The following ZNF816 variants were observed in gnomAD, a reference collection of about 807,000 sequenced individuals.
ZNF816 encodes zinc finger protein 816A.
A neutral mutation model predicts 8.3 loss-of-function variants in ZNF816; 11 were observed. The observed-to-expected ratio is 1.32, with a 90% CI of 0.83 to 2.19. The LOEUF (loss-of-function observed/expected upper bound fraction) is 2.19, where lower values mean the gene tolerates loss of function less well. Among genes scored for constraint, ZNF816 ranks in the 30% most tolerant of loss-of-function variants. ZNF816 has a pLI of 0.00. For synonymous variants in ZNF816, 255 were observed against 254.5 expected (o/e 1.00, Z -0.02); for missense variants, 710 against 779.3 (o/e 0.91, Z 1.06).
At chr19:52,961,226 A>G (rs913756542) in intron 1 of ZNF816, among the ~76,000 whole-genome samples, 6 of 152,190 alleles carry the variant, frequency 3.9e-5, no homozygotes, top group African/African-American at 1.4e-4. Flanking sequence ...TTCAAATAAG[A>G]TTAAGAACTG....
At chr19:52,956,404 C>T in intron 1 of ZNF816, 1 of 250,666 alleles carries the variant, frequency 4.0e-6, no homozygotes, top group East Asian at 8.3e-5. Flanking sequence ...GCCCCCTCAC[C>T]TCCCTGTGGA....
rs572629673 is a variant in ZNF816 at position 52,951,276 on chromosome 19, G to A, written c.499C>T (p.Leu167Phe). ...TTCCCTTTAGTCTGAAACATGTGGA[G>A]TTCAGGCAGATGCGAATGAAAGCTT... ...GLSFHSHLPE[L>F]HMFQTKGKIS... The change falls in exon 4 of 4, where the codon CTC (leucine) becomes TTC (phenylalanine). Residue 167 changes from leucine (L) to phenylalanine (F), a missense_variant. Physicochemically the swap from Leu to Phe is conservative, Grantham distance 22. Transcript: ENST00000444460. 1.9e-5 allele frequency: 31 copies of A among 1,614,178 alleles called. No homozygotes were observed. The highest frequency in any genetic ancestry group is 1.1e-4 in the African/African-American group (8 of 75,050).
chr19:52,956,334 A>T (rs928878540), intron 1 of ZNF816: 2 of 448,652 alleles, frequency 4.5e-6, no homozygotes, highest in Admixed American at 7.5e-5. Context: ...CACACGCTGC[A>T]GCAGGACACA....
At position 52,952,911 on chromosome 19, in the gene ZNF816, T is replaced by C. The variant is rs73584424; in HGVS notation, c.64-34A>G. On this transcript the variant is annotated intron_variant, in intron 2 of 3. Coordinates refer to ENST00000444460, the MANE Select transcript of ZNF816 (RefSeq NM_001202457.3). The stretch of plus-strand genomic sequence containing the variant: ...AAAAACACGTTTCAACAAAACATTA[T>C]GGAGGAGTGAGTTATTGCCCTCACG... 8,101 of 1,578,872 alleles carry C rather than the reference T, an allele frequency of 5.1e-3. 348 individuals carry two copies. In the African/African-American group the frequency reaches 0.095, roughly 18 times the overall value.
chr19:52,955,186 A>AT (rs367946579), intron 2 of ZNF816, among the ~76,000 whole-genome samples: 2 of 151,824 alleles, frequency 1.3e-5, no homozygotes, highest in Non-Finnish European at 2.9e-5. Flanking sequence ...TGTAAAAAAA[A>AT]CAAAACAAAA....
chr19:52,952,899 A>C, intron 2 of ZNF816, 22 bp from the exon 3 acceptor site: 2 of 1,585,332 alleles, frequency 1.3e-6, no homozygotes, highest in Non-Finnish European at 1.7e-6. Context: ...AACACGTTTC[A>C]ACAAAACATT....
At chr19:52,961,588 A>C (rs2083557442) in intron 1 of ZNF816, among the ~76,000 whole-genome samples, 1 of 152,220 alleles carries the variant, frequency 6.6e-6, no homozygotes, top group Non-Finnish European at 1.5e-5. Context: ...CCCGTTAGAG[A>C]AAAAGAGAAG....
chr19:52,960,197 A>G, intron 1 of ZNF816: 1 of 242,976 alleles, frequency 4.1e-6, no homozygotes, highest in Non-Finnish European at 8.0e-6. Context: ...GCACAATGCG[A>G]GGCAGGGTTC....
At chr19:52,952,283 T>C (rs1016576540) in intron 3 of ZNF816, among the ~76,000 whole-genome samples, 3 of 152,014 alleles carry the variant, frequency 2.0e-5, no homozygotes, top group East Asian at 1.9e-4. Context: ...AGTACAAGAA[T>C]TGCTTGAACT....
At position 52,950,804 on chromosome 19, in the gene ZNF816, T is replaced by C. The variant is rs762332648; in HGVS notation, c.971A>G (p.Glu324Gly). 52 of 1,608,818 alleles carry C rather than the reference T, an allele frequency of 3.2e-5. No individual in the cohort carries two copies. The highest frequency in any genetic ancestry group is 6.7e-5 in the Admixed American group (4 of 59,698). Reference protein sequence around the residue: ...KCNECGKTFSEKSSLRCHRRL... With the variant: ...KCNECGKTFSGKSSLRCHRRL... Reference sequence around the variant, plus strand: ...ACGATGGCATCTAAGGGATGACTTCTCACTGAAGGTCTTGCCACACTCATT... The same window carrying C: ...ACGATGGCATCTAAGGGATGACTTCCCACTGAAGGTCTTGCCACACTCATT... Residue 324 changes from glutamate (E) to glycine (G), a missense_variant, in exon 4 of 4, where the codon GAG becomes GGG. Physicochemically the swap from Glu to Gly is moderately conservative, Grantham distance 98. Transcript: ENST00000444460.
At chr19:52,955,528 C>G (rs1025746388) in intron 2 of ZNF816, among the ~76,000 whole-genome samples, 1 of 152,220 alleles carries the variant, frequency 6.6e-6, no homozygotes, top group Non-Finnish European at 1.5e-5. Context: ...TCTCTTAAAA[C>G]AAAAGTTTGG....
intron 1 of ZNF816, among the ~76,000 whole-genome samples, chr19:52,962,472 G>A (rs2083565440): frequency 6.6e-6 from 1 of 152,070 alleles, no homozygotes; most frequent in African/African-American, 2.4e-5. Context: ...GGCCACCCTG[G>A]GGCTGCGGGG....
At chr19:52,954,796 C>A (rs2122156181) in intron 2 of ZNF816, among the ~76,000 whole-genome samples, 1 of 131,072 alleles carries the variant, frequency 7.6e-6, no homozygotes, top group East Asian at 2.2e-4. Flanking sequence ...CGGGGAGGCC[C>A]TGTCTCAAAA....
chr19:52,956,082 C>T lies in ZNF816; in HGVS notation c.8G>A (p.Arg3His), dbSNP rs535358313. The T allele has an allele frequency of 6.8e-6, 11 of 1,610,044 alleles. No homozygotes were observed. The highest frequency in any genetic ancestry group is 1.7e-4 in the Middle Eastern group (1 of 6,028). ...TTTGCTCTTCTTGGTGGCTTCCTCACGTAACATGAGTCTTTGGAAATCCTG... is the reference window on the plus strand; with the variant it reads ...TTTGCTCTTCTTGGTGGCTTCCTCATGTAACATGAGTCTTTGGAAATCCTG... Reference protein sequence around the residue: MLREEATKKSKEK... With the variant: MLHEEATKKSKEK... Residue 3 changes from arginine (R) to histidine (H), a missense_variant, in exon 2 of 4, where the codon CGT (arginine) becomes CAT (histidine). Transcript: ENST00000444460.
At chr19:52,955,794 T>G (rs945917193) in intron 2 of ZNF816, among the ~76,000 whole-genome samples, 8 of 152,318 alleles carry the variant, frequency 5.3e-5, no homozygotes, top group African/African-American at 1.9e-4. Flanking sequence ...CATCCATGTC[T>G]GGTGTGAGCC....
rs764166678 is a variant in ZNF816 at position 52,957,076 on chromosome 19, G to T, written c.-15-972C>A. ...CTTAGAGCTGTAAGCCCTTAAAAGG[G>T]CCAGGAATTTCTTTTTCAGGGAGCT... On this transcript the variant is annotated intron_variant, in intron 1 of 3. Coordinates refer to ENST00000444460, the MANE Select transcript of ZNF816 (RefSeq NM_001202457.3). The surrounding 1 kb of genome is among the most constrained non-coding windows in gnomAD (Gnocchi z 4.6). Among the ~76,000 whole-genome samples, 16 of 152,154 alleles carry T rather than the reference G, an allele frequency of 1.1e-4. No individual in the cohort carries two copies. Among genetic ancestry groups the T allele is most frequent in the Non-Finnish European group, 1.6e-4 (11 of 68,044 alleles).
At position 52,950,926 on chromosome 19, in the gene ZNF816, T is replaced by C. The variant is rs780066812; in HGVS notation, c.849A>G (p.Lys283=). The C allele has an allele frequency of 3.7e-6, 6 of 1,614,068 alleles. No homozygotes were observed. Among genetic ancestry groups the C allele is most frequent in the Admixed American group, 3.3e-5 (2 of 60,012 alleles). The change falls in exon 4 of 4, where the codon AAA becomes AAG. Residue 283 remains lysine, a synonymous_variant. Coordinates refer to ENST00000444460, the MANE Select transcript of ZNF816 (RefSeq NM_001202457.3). ...VYHHRCHTGE[K]TYKCNECGKT... is the part of the protein sequence containing the mutation. ...TCCCACACTCATTACACTTGTAAGT[T>C]TTCTCACCAGTGTGACATCTATGAT...
At position 52,949,487 on chromosome 19, in the gene ZNF816, T is replaced by A; in HGVS notation, c.*332A>T. On this transcript the variant is annotated 3_prime_UTR_variant, in exon 4 of 4. Transcript: ENST00000444460. ...CCACAGAGTGAAGACCTTGCCACCCTTACATTTGTAAGGCATCTGTCCAGT... is the reference window on the plus strand; with the variant it reads ...CCACAGAGTGAAGACCTTGCCACCCATACATTTGTAAGGCATCTGTCCAGT... 1 of 506,574 alleles carries A rather than the reference T, an allele frequency of 2.0e-6. No individual in the cohort carries two copies. The highest frequency in any genetic ancestry group is 1.8e-5 in the South Asian group (1 of 56,968). The allele number at this position is 506,574 out of a possible 1,614,324, so 31.4% of individuals were successfully genotyped here. A position where few individuals can be genotyped will look rare whatever the true frequency, so the allele number is the denominator to read the frequency against.
intron 1 of ZNF816, among the ~76,000 whole-genome samples, chr19:52,956,936 T>C (rs916157123): frequency 1.3e-5 from 2 of 152,224 alleles, no homozygotes; most frequent in African/African-American, 4.8e-5. Flanking sequence ...CTGTAAATTC[T>C]AGACATTGTA....
Sources: allele counts gnomAD v4.1 joint callset (sites outside exome capture counted in the v4.1 genomes callset), GRCh38; gene constraint gnomAD v4.1.1; non-coding constraint Gnocchi (gnomAD v3.1); transcripts MANE v1.5; gene names NCBI Gene and HGNC (gene_info 2026-07-23, HGNC 2026-07-21).